KALRN: variants seen among roughly 807,000 people sequenced by gnomAD.
KALRN encodes the protein kalirin.
In KALRN, 70 loss-of-function variants were observed where a neutral mutation model predicts 353.7. The ratio of observed to expected loss-of-function variants is 0.20; its 90% CI spans 0.16 to 0.24. The LOEUF is 0.24. Among genes scored for constraint, KALRN ranks in the 10% least tolerant of loss-of-function variants. KALRN has a pLI of 1.00. For missense variants in KALRN, 2,791 were observed against 3,756.7 expected, an observed-to-expected ratio of 0.74 and a Z score of 6.72; for synonymous variants, 1,391 against 1,434.8, an observed-to-expected ratio of 0.97 and a Z score of 0.69.
At chr3:124,174,762 T>G (rs2072420762) in intron 1 of KALRN, among the ~76,000 whole-genome samples, 3 of 152,164 alleles carry the variant, frequency 2.0e-5, no homozygotes, top group Admixed American at 2.0e-4. Flanking sequence ...ATGGAGCATA[T>G]CCAGAGAAGG....
chr3:124,188,191 A>T (rs12633963), intron 1 of KALRN, among the ~76,000 whole-genome samples: 42,625 of 151,980 alleles, frequency 0.28, 6,636 homozygotes, highest in East Asian at 0.53. Flanking sequence ...GGCACTTTTT[A>T]AAAAATGCAG....
At chr3:124,395,539 T>A in intron 12 of KALRN, 196 bp downstream of exon 12, 1 of 548,070 alleles carries the variant, frequency 1.8e-6, no homozygotes, top group South Asian at 2.8e-5. Flanking sequence ...AAAGCTTTAA[T>A]GTTTCAAAGA....
intron 34 of KALRN, among the ~76,000 whole-genome samples, chr3:124,600,312 A>G (rs2076673281): frequency 1.3e-5 from 2 of 152,248 alleles, no homozygotes; most frequent in South Asian, 2.1e-4. Flanking sequence ...GCCAAGCATT[A>G]TGGCACTTGT....
At chr3:124,048,780 G>A (rs967171347) in intron 1 of KALRN, among the ~76,000 whole-genome samples, 8 of 152,192 alleles carry the variant, frequency 5.3e-5, no homozygotes, top group African/African-American at 1.9e-4. Flanking sequence ...ACCGCACCCG[G>A]CCACCTCATT....
intron 22 of KALRN, 46 bp from the exon 23 acceptor site, chr3:124,456,564 T>C (rs2059323236): frequency 7.0e-7 from 1 of 1,419,600 alleles, no homozygotes; most frequent in East Asian, 2.3e-5. Context: ...GTGAGTTGCT[T>C]TCCCAAAGCA....
At chr3:124,398,994 C>A (rs1576589749) in intron 13 of KALRN, 123 bp downstream of exon 13, 12 of 990,960 alleles carry the variant, frequency 1.2e-5, no homozygotes, top group Non-Finnish European at 1.7e-5. Context: ...ATTTTTAGAA[C>A]CCAAGAAATT....
At chr3:124,431,104 C>T (rs974694244) in intron 16 of KALRN, among the ~76,000 whole-genome samples, 1 of 152,186 alleles carries the variant, frequency 6.6e-6, no homozygotes, top group African/African-American at 2.4e-5. Context: ...AAATGTAAAA[C>T]TAAAAGTTTA....
chr3:124,096,018 C>T (rs1362893012), intron 1 of KALRN: 2 of 152,080 alleles, frequency 1.3e-5, no homozygotes, highest in African/African-American at 4.8e-5. Context: ...CCAGCACACA[C>T]TAAAAGCAGT....
At chr3:124,496,243 T>C in intron 32 of KALRN, 68 bp from the exon 33 acceptor site, 2 of 1,200,026 alleles carry the variant, frequency 1.7e-6, no homozygotes, top group South Asian at 1.2e-5. Context: ...CCGGAAATCC[T>C]TGTGTGCTCT....
rs559529649 is a variant in KALRN, at chr3:124,716,549, C to A, written c.8277-698C>A. Among the ~76,000 whole-genome samples the A allele has an allele frequency of 3.4e-3, 522 of 151,402 alleles. 2 individuals carry two copies. Among genetic ancestry groups the A allele is most frequent in the Non-Finnish European group, 3.7e-3 (251 of 67,770 alleles). On this transcript the variant is annotated intron_variant, in intron 58 of 59. Coordinates refer to ENST00000682506, the MANE Select transcript of KALRN (RefSeq NM_001388419.1). ...AAACAAAACAAACAAACAACAACAA[C>A]AAAAAAAAGGTGGTGGGGTAGGGGA...
In KALRN at chr3:124,679,500, C is replaced by G; in HGVS notation, c.7360C>G (p.Pro2454Ala). Residue 2454 changes from proline (P) to alanine (A), a missense_variant, in exon 51 of 60, where the codon CCT becomes GCT. Transcript: ENST00000682506. ...SEESECDDLD[P>A]NTSMEILNPN... ...GGAATCAGAGTGTGATGATCTTGAC[C>G]CTAATACTAGCATGGAGGTAGAAGC... 6.2e-7 allele frequency: 1 copy of G among 1,613,918 alleles called. No homozygotes were observed. Among genetic ancestry groups the G allele is most frequent in the Non-Finnish European group, 8.5e-7 (1 of 1,179,798 alleles).
At chr3:124,668,500 C>T (rs1445419138) in intron 47 of KALRN, among the ~76,000 whole-genome samples, 1 of 152,138 alleles carries the variant, frequency 6.6e-6, no homozygotes, top group East Asian at 1.9e-4. Context: ...TATCAGTTTC[C>T]CTGTATTATA....
intron 34 of KALRN, among the ~76,000 whole-genome samples, chr3:124,579,717 T>C (rs2713646): frequency 0.19 from 28,744 of 152,154 alleles, 4,830 homozygotes; most frequent in East Asian, 0.45. Flanking sequence ...CACATTGTTA[T>C]AGCAAAATAC....
intron 3 of KALRN, among the ~76,000 whole-genome samples, chr3:124,262,529 G>A (rs1008989195): frequency 3.6e-4 from 55 of 152,316 alleles, no homozygotes; most frequent in African/African-American, 1.3e-3. Flanking sequence ...AAGTGTCAGG[G>A]AAGAAGAGGC....
chr3:124,499,277 T>A (rs964425915), intron 33 of KALRN, among the ~76,000 whole-genome samples: 1 of 152,206 alleles, frequency 6.6e-6, no homozygotes, highest in Non-Finnish European at 1.5e-5. Context: ...AGGAGTTCGA[T>A]ACACCTAGGT....
At chr3:124,514,348 A>C (rs2066297388) in intron 33 of KALRN, among the ~76,000 whole-genome samples, 1 of 152,174 alleles carries the variant, frequency 6.6e-6, no homozygotes. Flanking sequence ...GTCCCTGCCA[A>C]GGACAGAATT....
At chr3:124,692,915 C>T (rs1186275102) in intron 51 of KALRN, among the ~76,000 whole-genome samples, 2 of 152,112 alleles carry the variant, frequency 1.3e-5, no homozygotes, top group African/African-American at 4.8e-5. Flanking sequence ...AGTGGTAATA[C>T]AAAAGATGGG....
At chr3:124,100,789 G>A (rs539046519) in intron 1 of KALRN, among the ~76,000 whole-genome samples, 2 of 152,280 alleles carry the variant, frequency 1.3e-5, no homozygotes, top group Admixed American at 1.3e-4. Flanking sequence ...CTTAGAAAGC[G>A]TAATGTCCAG....
intron 33 of KALRN, among the ~76,000 whole-genome samples, chr3:124,549,658 C>T (rs529623077): frequency 2.6e-5 from 4 of 152,104 alleles, no homozygotes; most frequent in African/African-American, 4.8e-5. Context: ...TCCTTCTCAC[C>T]GCTTCAGTGT....
Sources: gnomAD v4.1 joint callset for allele counts (sites outside exome capture counted in the v4.1 genomes callset) on GRCh38, gnomAD v4.1.1 for gene constraint, MANE v1.5 for transcripts, NCBI Gene and HGNC (gene_info 2026-07-23, HGNC 2026-07-21) for gene names.